The following ASPA variants were observed in gnomAD, a reference collection of about 807,000 sequenced individuals.
The protein encoded by ASPA is aspartoacylase, also known as ACY-2.
In ASPA, 25 loss-of-function variants were observed where a neutral mutation model predicts 29.6. The observed-to-expected ratio is 0.85, with a 90% confidence interval of 0.62 to 1.18. ASPA has a LOEUF of 1.18. Among genes scored for constraint, ASPA ranks in the 50% most tolerant of loss-of-function variants. The probability of loss-of-function intolerance (pLI) is 0.00; values close to 1 mark genes in which losing one functional copy is unlikely to be tolerated. For synonymous variants in ASPA, 131 were observed against 130.3 expected (o/e 1.01, Z -0.04); for missense variants, 333 against 385.7 (o/e 0.86, Z 1.14).
At chr17:3,497,938 T>C (rs1597449653) in intron 5 of ASPA, among the ~76,000 whole-genome samples, 1 of 152,076 alleles carries the variant, frequency 6.6e-6, no homozygotes, top group South Asian at 2.1e-4. Context: ...TGTTCTGGGG[T>C]TCCCGTGGTG....
chr17:3,494,569 A>AAT (rs1159747651), intron 5 of ASPA, 110 bp downstream of exon 5: 1 of 877,112 alleles, frequency 1.1e-6, no homozygotes, highest in East Asian at 2.5e-5. Context: ...TGATGCTCTC[A>AAT]TTAGACACTG....
At chr17:3,489,201 A>G (rs368144957) in intron 3 of ASPA, 34 bp from the exon 4 acceptor site, 93 of 1,233,994 alleles carry the variant, frequency 7.5e-5, no homozygotes, top group Non-Finnish European at 6.2e-5. Context: ...TTTCATACTT[A>G]TATAAATGTG....
intron 5 of ASPA, among the ~76,000 whole-genome samples, chr17:3,498,293 A>G (rs1040812042): frequency 6.6e-6 from 1 of 152,190 alleles, no homozygotes; most frequent in Non-Finnish European, 1.5e-5. Context: ...TTGCCTTTTA[A>G]TATTATAAAT....
At chr17:3,494,224 G>A (rs2073873249) in intron 4 of ASPA, 126 bp from the exon 5 acceptor site, 6 of 704,324 alleles carry the variant, frequency 8.5e-6, no homozygotes, top group South Asian at 1.4e-5. Flanking sequence ...GGCTGTTCTC[G>A]AACTCCTGAC....
rs1406286533 is a variant in ASPA at position 3,500,658 on chromosome 17, A to T, written c.*1570A>T. ...GCTGAGATTACAGGTGCCTGCCACC[A>T]CGCCCGGCTAATTTTTTGCATTTTT... is the stretch of plus-strand genomic sequence containing the variant. On this transcript the variant is annotated 3_prime_UTR_variant, in exon 6 of 6. Coordinates refer to ENST00000263080, the MANE Select transcript of ASPA (RefSeq NM_000049.4). 6.6e-6 allele frequency: 1 copy of T among 152,064 alleles called. No homozygotes were observed. The highest frequency in any genetic ancestry group is 2.4e-5 in the African/African-American group (1 of 41,344). 9.4% of individuals were successfully genotyped at this position (152,064 alleles called of 1,614,324 possible).
Position 3,481,592 on chromosome 17 carries a change from G to A in ASPA, c.237-11G>A. 3.7e-6 allele frequency: 6 copies of A among 1,611,146 alleles called. No individual in the cohort carries two copies. Among genetic ancestry groups the A allele is most frequent in the Non-Finnish European group, 5.1e-6 (6 of 1,178,470 alleles). On this transcript the variant is annotated splice_polypyrimidine_tract_variant and intron_variant, in intron 1 of 5. Coordinates refer to ENST00000263080, the MANE Select transcript of ASPA (RefSeq NM_000049.4). ...AGATGTTGTTCATCTTTTTCTTTCT[G>A]CTTATAACAGCAAAAAAATGTCAGA...
intron 5 of ASPA, among the ~76,000 whole-genome samples, chr17:3,495,018 A>G (rs1202750920): frequency 2.0e-5 from 3 of 151,948 alleles, no homozygotes; most frequent in African/African-American, 7.3e-5. Flanking sequence ...TTCTGCCACC[A>G]TTCCCCAACT....
rs1229667820 is a variant in ASPA, at chr17:3,488,813, G to A, written c.527-422G>A. Among the ~76,000 whole-genome samples, 1 of 152,110 alleles carries A rather than the reference G, an allele frequency of 6.6e-6. No individual in the cohort carries two copies. The highest frequency in any genetic ancestry group is 2.4e-5 in the African/African-American group (1 of 41,426). ...GATTTCTGTGAAATCTATAAAAATA[G>A]ATGTCCTTCCTCCCGTCACAGCTAA... On this transcript the variant is annotated intron_variant, in intron 3 of 5. Coordinates refer to ENST00000263080, the MANE Select transcript of ASPA (RefSeq NM_000049.4). This position sits in a 1 kb window ranked among gnomAD's most constrained non-coding sequence, Gnocchi z 6.1.
chr17:3,492,282 C>G (rs186995947), intron 4 of ASPA, among the ~76,000 whole-genome samples: 1 of 152,340 alleles, frequency 6.6e-6, no homozygotes, highest in African/African-American at 2.4e-5. Context: ...CAGAACAATA[C>G]GGAGAATACT....
In ASPA at chr17:3,481,607, A is replaced by C; in HGVS notation, c.241A>C (p.Lys81Gln). 1 of 1,613,374 alleles carries C rather than the reference A, an allele frequency of 6.2e-7. No individual in the cohort carries two copies. Among genetic ancestry groups the C allele is most frequent in the Non-Finnish European group, 8.5e-7 (1 of 1,179,734 alleles). Residue 81 changes from lysine (K) to glutamine (Q), a missense_variant, in exon 2 of 6, where the codon AAA becomes CAA. Transcript: ENST00000263080. The part of the protein sequence containing the change: ...RIFDLENLGK[K>Q]MSEDLPYEVR... The stretch of plus-strand genomic sequence containing the variant: ...TTTTCTTTCTGCTTATAACAGCAAA[A>C]AAATGTCAGAAGATTTGCCATATGA...
rs1034349851 is a variant in ASPA, at chr17:3,476,085, C to T, written c.-75C>T. On this transcript the variant is annotated 5_prime_UTR_variant, in exon 1 of 6. Transcript: ENST00000263080. ...GTAAAGTCTCATTTACATTTCTAAACCTTTCTTAAGAAAATCGAATTTCCT... is the reference window on the plus strand; with the variant it reads ...GTAAAGTCTCATTTACATTTCTAAATCTTTCTTAAGAAAATCGAATTTCCT... 4.4e-6 allele frequency: 6 copies of T among 1,379,034 alleles called. No homozygotes were observed. In the African/African-American group the frequency reaches 5.7e-5, roughly 13 times the overall value. 85.4% of individuals were successfully genotyped at this position (1,379,034 alleles called of 1,614,324 possible).
chr17:3,494,184 T>C (rs2073872353), intron 4 of ASPA, among the ~76,000 whole-genome samples, 166 bp from the exon 5 acceptor site: 1 of 152,010 alleles, frequency 6.6e-6, no homozygotes, highest in Non-Finnish European at 1.5e-5. Flanking sequence ...TGGGTATTTT[T>C]AGTGGAGATG....
Position 3,496,660 on chromosome 17 carries a change from C to T in ASPA, c.744+2201C>T, listed in dbSNP as rs1023003016. On this transcript the variant is annotated intron_variant, in intron 5 of 5. Transcript: ENST00000263080. ...GAATGACAGTTCTTACTAAGGGATG[C>T]TAACTGGAATCACGTAGGGGACCCC... Among the ~76,000 whole-genome samples, 8 of 152,162 alleles carry T rather than the reference C, an allele frequency of 5.3e-5. No homozygotes were observed. The East Asian group carries it at 1.5e-3, about 29-fold the overall frequency.
chr17:3,478,848 T>C (rs144935185), intron 1 of ASPA, among the ~76,000 whole-genome samples: 22 of 152,348 alleles, frequency 1.4e-4, no homozygotes, highest in Non-Finnish European at 1.0e-4. Context: ...AAAATCACCC[T>C]AGAACCTTCC....
chr17:3,487,999 A>G (rs1446064653), intron 3 of ASPA, among the ~76,000 whole-genome samples: 3 of 152,262 alleles, frequency 2.0e-5, no homozygotes, highest in Non-Finnish European at 2.9e-5. Context: ...CATATATGCA[A>G]GAAACCTAAG....
intron 5 of ASPA, among the ~76,000 whole-genome samples, chr17:3,494,748 A>T (rs1177100693): frequency 2.0e-5 from 3 of 152,224 alleles, no homozygotes; most frequent in African/African-American, 7.2e-5. Context: ...CAGCCAGATG[A>T]GATGACAGAA....
chr17:3,477,929 T>TC (rs1400935594), intron 1 of ASPA, among the ~76,000 whole-genome samples: 1 of 151,532 alleles, frequency 6.6e-6, no homozygotes, highest in African/African-American at 2.4e-5. Flanking sequence ...ACACCTGTAA[T>TC]CCCAACACTT....
At chr17:3,483,461 G>A (rs769469389) in intron 2 of ASPA, 38 bp from the exon 3 acceptor site, 4 of 1,552,200 alleles carry the variant, frequency 2.6e-6, no homozygotes, top group Admixed American at 1.7e-5. Context: ...CAAAACATAC[G>A]GTTTTTACCT....
At position 3,481,600 on chromosome 17, in the gene ASPA, C is replaced by T; in HGVS notation, c.237-3C>T. On this transcript the variant is annotated splice_polypyrimidine_tract_variant and splice_region_variant and intron_variant, in intron 1 of 5. Transcript: ENST00000263080. ...TTCATCTTTTTCTTTCTGCTTATAA[C>T]AGCAAAAAAATGTCAGAAGATTTGC... The T allele has an allele frequency of 2.5e-6, 4 of 1,612,468 alleles. No homozygotes were observed. The highest frequency in any genetic ancestry group is 2.5e-6 in the Non-Finnish European group (3 of 1,179,228).
Sources: allele counts gnomAD v4.1 joint callset (sites outside exome capture counted in the v4.1 genomes callset), GRCh38; gene constraint gnomAD v4.1.1; non-coding constraint Gnocchi (gnomAD v3.1); transcripts MANE v1.5; gene names NCBI Gene and HGNC (gene_info 2026-07-23, HGNC 2026-07-21).